NCOR2: variants seen among roughly 807,000 people sequenced by gnomAD.
The protein encoded by NCOR2 is CTG repeat protein 26.
In NCOR2, 81 loss-of-function variants were observed where a neutral mutation model predicts 262.9. That is an observed-to-expected ratio of 0.31 (90% CI 0.26 to 0.37). NCOR2 has a LOEUF of 0.37. NCOR2 is among the 10% of genes least tolerant of loss of function. NCOR2 has a pLI of 1.00. For synonymous variants in NCOR2, 1,659 were observed against 1,559.3 expected (o/e 1.06, Z -1.51); for missense variants, 3,385 against 3,621.4 (o/e 0.93, Z 1.68).
chr12:124,514,240 T>C (rs996702282), intron 1 of NCOR2: 1 of 152,104 alleles, frequency 6.6e-6, no homozygotes, highest in Non-Finnish European at 1.5e-5. Flanking sequence ...GAAGCCACCA[T>C]CTATGAACCA....
At chr12:124,445,377 G>T (rs1194107099) in intron 7 of NCOR2, among the ~76,000 whole-genome samples, 2 of 152,212 alleles carry the variant, frequency 1.3e-5, no homozygotes, top group Non-Finnish European at 2.9e-5. Context: ...CCTGCAGCAG[G>T]GGACACCAGC....
chr12:124,329,828 C>T (rs1166504177), intron 44 of NCOR2, among the ~76,000 whole-genome samples: 1 of 152,194 alleles, frequency 6.6e-6, no homozygotes, highest in African/African-American at 2.4e-5. Flanking sequence ...ACAGATACAC[C>T]TGTGTGTCTA....
intron 27 of NCOR2, 114 bp from the exon 30 acceptor site, chr12:124,350,851 TC>T: frequency 9.2e-7 from 1 of 1,081,596 alleles, no homozygotes; most frequent in Non-Finnish European, 1.3e-6. Flanking sequence ...CACACGCGTG[TC>T]CACACACACA....
Position 124,411,050 on chromosome 12 carries a change from G to A in NCOR2, c.1483-8489C>T, listed in dbSNP as rs71458842. The stretch of plus-strand genomic sequence containing the variant: ...GTGAGGAGGGGAGGGGGCGGGGGAG[G>A]AGGAAGAGGAGAGATGGGGGAGAGA... On this transcript the variant is annotated intron_variant, in intron 13 of 46. Transcript: ENST00000405201. Among the ~76,000 whole-genome samples, 302 of 135,820 alleles carry A rather than the reference G, an allele frequency of 2.2e-3. 1 individual carries two copies. The highest frequency in any genetic ancestry group is 7.6e-3 in the African/African-American group (283 of 37,266). The allele number at this position is 135,820 out of a possible 152,430, so 89.1% of individuals were successfully genotyped here. A position where few individuals can be genotyped will look rare whatever the true frequency, so the allele number is the denominator to read the frequency against.
intron 11 of NCOR2, among the ~76,000 whole-genome samples, chr12:124,426,277 C>T (rs569656166): frequency 7.2e-5 from 11 of 152,226 alleles, no homozygotes; most frequent in African/African-American, 2.4e-4. Context: ...TTCAGTGTGA[C>T]GGGTGTCCTT....
chr12:124,366,751 C>T (rs2039069950), intron 20 of NCOR2, among the ~76,000 whole-genome samples: 1 of 152,142 alleles, frequency 6.6e-6, no homozygotes, highest in Non-Finnish European at 1.5e-5. Flanking sequence ...CTCCTGGGCT[C>T]AAGCTATCCT....
chr12:124,366,923 C>T (rs1237587596), intron 20 of NCOR2, among the ~76,000 whole-genome samples: 4 of 151,740 alleles, frequency 2.6e-5, no homozygotes, highest in African/African-American at 4.8e-5. Context: ...ATAAAGGGTT[C>T]GACGTATCAG....
intron 15 of NCOR2, among the ~76,000 whole-genome samples, chr12:124,399,913 T>C (rs2041906811): frequency 6.6e-6 from 1 of 152,084 alleles, no homozygotes; most frequent in African/African-American, 2.4e-5. Context: ...AACACCCTTC[T>C]CAACAGAAGG....
chr12:124,429,469 A>T, intron 10 of NCOR2, 144 bp downstream of exon 12: 1 of 806,706 alleles, frequency 1.2e-6, no homozygotes, highest in Non-Finnish European at 2.0e-6. Context: ...GTACCTCAAT[A>T]CCCACCTTGA....
chr12:124,450,928 C>T (rs973257679), intron 6 of NCOR2, among the ~76,000 whole-genome samples: 3 of 152,252 alleles, frequency 2.0e-5, no homozygotes, highest in African/African-American at 7.2e-5. Flanking sequence ...GCATGCTAAG[C>T]TCTCAGGCTG....
chr12:124,367,310 C>T (rs1217905060), intron 20 of NCOR2, among the ~76,000 whole-genome samples: 5 of 152,096 alleles, frequency 3.3e-5, no homozygotes, highest in African/African-American at 1.2e-4. Context: ...CTTGAGCCCC[C>T]AGAGCAAGTG....
At chr12:124,452,079 TTC>T (rs1321248195) in intron 6 of NCOR2, among the ~76,000 whole-genome samples, 1 of 152,132 alleles carries the variant, frequency 6.6e-6, no homozygotes, top group East Asian at 1.9e-4. Flanking sequence ...CCTCCCAAGG[TTC>T]TCAGCCCTGA....
intron 7 of NCOR2, among the ~76,000 whole-genome samples, chr12:124,439,028 G>C: frequency 6.9e-6 from 1 of 144,428 alleles, no homozygotes; most frequent in South Asian, 2.3e-4. Flanking sequence ...CAGAGACCCA[G>C]AGAGAGAGAG....
chr12:124,501,062 GCACACACACACACACACACACACACACA>G lies in NCOR2; in HGVS notation c.-117-5722_-117-5695del, dbSNP rs3040848. On this transcript the variant is annotated intron_variant, in intron 1 of 46. Transcript: ENST00000404621. Reference sequence around the variant, plus strand: ...ACGGCACGAGCGCGCGCGCACGCGCGCACACACACACACACACACACACACACACACACACACACACACACTCGACAGA... The same window carrying G: ...ACGGCACGAGCGCGCGCGCACGCGCGCACACACACACACACACTCGACAGA... Among the ~76,000 whole-genome samples the G allele has an allele frequency of 1.8e-4, 27 of 147,920 alleles. 1 individual carries two copies. The South Asian group carries it at 5.8e-3, about 32-fold the overall frequency.
chr12:124,533,931 ATT>A (rs57112035), intron 1 of NCOR2, among the ~76,000 whole-genome samples: 9 of 142,302 alleles, frequency 6.3e-5, no homozygotes, highest in Admixed American at 6.9e-5. Context: ...CCTTTTTGTG[ATT>A]TTTTTTTTTT....
chr12:124,525,684 G>T (rs898052289), intron 1 of NCOR2, among the ~76,000 whole-genome samples: 1 of 152,242 alleles, frequency 6.6e-6, no homozygotes, highest in Non-Finnish European at 1.5e-5. Context: ...AGAGATCCAG[G>T]CTGGCTGCGG....
In NCOR2 at chr12:124,419,471, T is replaced by A. The variant is rs538002945; in HGVS notation, c.1482+486A>T. Among the ~76,000 whole-genome samples the A allele has an allele frequency of 9.8e-5, 15 of 152,326 alleles. No homozygotes were observed. In the South Asian group the frequency reaches 3.1e-3, roughly 32 times the overall value. On this transcript the variant is annotated intron_variant, in intron 13 of 46. Coordinates refer to ENST00000405201, the Ensembl canonical transcript of NCOR2. Reference sequence around the variant, plus strand: ...TAGCGTAAATAATCTTTCAGTCTCATCCCAAGCAACGGCGTCTGAAAAAAC... The same window carrying A: ...TAGCGTAAATAATCTTTCAGTCTCAACCCAAGCAACGGCGTCTGAAAAAAC...
intron 1 of NCOR2, among the ~76,000 whole-genome samples, chr12:124,532,203 C>G (rs2050832544): frequency 6.6e-6 from 1 of 151,858 alleles, no homozygotes; most frequent in Non-Finnish European, 1.5e-5. Flanking sequence ...TGAGGTCTGT[C>G]CCCCCTTGTC....
intron 16 of NCOR2, among the ~76,000 whole-genome samples, chr12:124,395,610 G>A (rs924128187): frequency 3.0e-4 from 45 of 152,160 alleles, no homozygotes; most frequent in African/African-American, 1.0e-3. Context: ...GTCATCCCCA[G>A]CCGTCCTCCC....
Sources: allele counts gnomAD v4.1 joint callset (sites outside exome capture counted in the v4.1 genomes callset), GRCh38; gene constraint gnomAD v4.1.1; transcripts MANE v1.5; gene names NCBI Gene and HGNC (gene_info 2026-07-23, HGNC 2026-07-21).